DCLK2: variants seen among roughly 807,000 people sequenced by gnomAD.
DCLK2 encodes serine/threonine-protein kinase DCLK2.
In DCLK2, 31 loss-of-function variants were observed where a neutral mutation model predicts 78.4. That is an observed-to-expected ratio of 0.40 (90% CI 0.30 to 0.53). DCLK2 has a LOEUF of 0.53. DCLK2 is among the 20% of genes least tolerant of loss of function. DCLK2 has a pLI of 0.61. For synonymous variants in DCLK2, 407 were observed against 374.9 expected (o/e 1.09, Z -0.99); for missense variants, 872 against 973.7 (o/e 0.90, Z 1.39).
At chr4:150,252,971 C>T (rs1216330684) in intron 15 of DCLK2, among the ~76,000 whole-genome samples, 2 of 152,176 alleles carry the variant, frequency 1.3e-5, no homozygotes, top group East Asian at 1.9e-4. Context: ...TTGGGCTGTC[C>T]CAAAAAGTGG....
chr4:150,133,522 A>G (rs1733477226), intron 2 of DCLK2, among the ~76,000 whole-genome samples: 1 of 152,220 alleles, frequency 6.6e-6, no homozygotes, highest in Non-Finnish European at 1.5e-5. Flanking sequence ...AAGTAAGTTT[A>G]CTGTTTGGTT....
chr4:150,197,696 A>T (rs1375752631), intron 3 of DCLK2, among the ~76,000 whole-genome samples: 1 of 151,938 alleles, frequency 6.6e-6, no homozygotes, highest in Admixed American at 6.6e-5. Flanking sequence ...CGGAGGTTGC[A>T]GTGAGCAGAA....
chr4:150,200,771 A>G (rs979122497), intron 4 of DCLK2, among the ~76,000 whole-genome samples: 2 of 152,218 alleles, frequency 1.3e-5, no homozygotes, highest in African/African-American at 4.8e-5. Flanking sequence ...AAATCCTTCA[A>G]CAAAACTCTG....
intron 14 of DCLK2, 42 bp downstream of exon 14, chr4:150,248,427 T>C (rs762110151): frequency 6.5e-7 from 1 of 1,527,094 alleles, no homozygotes; most frequent in Non-Finnish European, 9.1e-7. Context: ...CACTGTGCTC[T>C]GTGGCCAACA....
intron 2 of DCLK2, among the ~76,000 whole-genome samples, chr4:150,163,084 T>C (rs1735820706): frequency 6.6e-6 from 1 of 152,058 alleles, no homozygotes; most frequent in African/African-American, 2.4e-5. Context: ...CCTAAGCAAA[T>C]GGAGTCCTAT....
At chr4:150,168,348 A>C (rs1365574543) in intron 2 of DCLK2, among the ~76,000 whole-genome samples, 1 of 146,974 alleles carries the variant, frequency 6.8e-6, no homozygotes, top group African/African-American at 2.5e-5. Context: ...CTCCATCTCA[A>C]AAAAAAAAAA....
intron 3 of DCLK2, among the ~76,000 whole-genome samples, chr4:150,193,573 G>A (rs992514398): frequency 6.6e-6 from 1 of 152,158 alleles, no homozygotes; most frequent in East Asian, 1.9e-4. Context: ...ATGGTGGTTG[G>A]CTGTGCCAAC....
intron 2 of DCLK2, among the ~76,000 whole-genome samples, chr4:150,164,740 A>C (rs999040089): frequency 3.9e-5 from 6 of 152,316 alleles, no homozygotes; most frequent in African/African-American, 1.4e-4. Flanking sequence ...TGGAGGTTGC[A>C]GTGAGCTGAG....
chr4:150,248,834 A>AG (rs1447580546), intron 14 of DCLK2, among the ~76,000 whole-genome samples: 2 of 152,034 alleles, frequency 1.3e-5, no homozygotes, highest in African/African-American at 4.8e-5. Context: ...ATCGCTTCAG[A>AG]GCTGAGTGGA....
At chr4:150,201,868 C>T (rs1221484806) in intron 4 of DCLK2, among the ~76,000 whole-genome samples, 1 of 152,068 alleles carries the variant, frequency 6.6e-6, no homozygotes, top group South Asian at 2.1e-4. Context: ...AGTTTATTGC[C>T]GGTCATAATC....
intron 2 of DCLK2, among the ~76,000 whole-genome samples, chr4:150,173,693 A>G (rs1397177961): frequency 6.6e-6 from 1 of 152,218 alleles, no homozygotes; most frequent in African/African-American, 2.4e-5. Flanking sequence ...CCTCTCAGGC[A>G]GTATGAAAAT....
At chr4:150,091,565 A>G (rs764868212) in intron 1 of DCLK2, among the ~76,000 whole-genome samples, 15 of 152,188 alleles carry the variant, frequency 9.9e-5, no homozygotes, top group Non-Finnish European at 2.1e-4. Context: ...TCCAAATTTT[A>G]TACAACTCAA....
rs1324849444 is a variant in DCLK2, at chr4:150,253,428, GA to G, written c.2074-2584del. ...GGGCTAGAAATTGGTCCATAAAGGT[GA>G]AAAAAAAGTAAAGTTGATGGTGTTA... On this transcript the variant is annotated intron_variant, in intron 15 of 15. Transcript: ENST00000296550. The G allele has an allele frequency of 2.3e-6, 3 of 1,288,942 alleles. 1 individual carries two copies. Among genetic ancestry groups the G allele is most frequent in the South Asian group, 2.5e-5 (2 of 81,010 alleles). 79.8% of individuals were successfully genotyped at this position (1,288,942 alleles called of 1,614,324 possible).
chr4:150,239,465 G>A (rs1246142181), intron 10 of DCLK2, among the ~76,000 whole-genome samples: 1 of 152,068 alleles, frequency 6.6e-6, no homozygotes, highest in Non-Finnish European at 1.5e-5. Flanking sequence ...TAGTGTGGTG[G>A]CATGTACCTG....
intron 15 of DCLK2, among the ~76,000 whole-genome samples, chr4:150,254,835 T>A (rs4235252): frequency 0.91 from 138,313 of 152,196 alleles, 63,149 homozygotes; most frequent in Middle Eastern, 0.96. Context: ...GCACGCCACC[T>A]TGCCCGGCTA....
rs150331044 is a variant in DCLK2 at position 150,239,272 on chromosome 4, T to C, written c.1567-470T>C. 5.3e-5 allele frequency among the ~76,000 whole-genome samples: 8 copies of C among 152,238 alleles called. No homozygotes were observed. In the East Asian group the frequency reaches 1.5e-3, roughly 29 times the overall value. On this transcript the variant is annotated intron_variant, in intron 10 of 15. Transcript: ENST00000296550. ...CTCTGAAGAGAAAAAAATTAGCACT[T>C]TAAAGCAACAAAGATGAATCATGGT... is the stretch of plus-strand genomic sequence containing the variant.
At chr4:150,216,784 G>A (rs1391313621) in intron 5 of DCLK2, among the ~76,000 whole-genome samples, 1 of 152,096 alleles carries the variant, frequency 6.6e-6, no homozygotes, top group African/African-American at 2.4e-5. Context: ...ACATCTTCAC[G>A]GTTCTCTTCT....
At chr4:150,092,443 A>G (rs890107491) in intron 1 of DCLK2, among the ~76,000 whole-genome samples, 1 of 152,190 alleles carries the variant, frequency 6.6e-6, no homozygotes, top group Non-Finnish European at 1.5e-5. Flanking sequence ...CTAGAGTTCC[A>G]GTATCTCTAC....
intron 1 of DCLK2, 71 bp from the exon 2 acceptor site, chr4:150,102,407 A>G: frequency 1.4e-6 from 2 of 1,473,980 alleles, no homozygotes; most frequent in South Asian, 1.3e-5. Context: ...GGTTTCCAGC[A>G]TCTGTTCTTT....
Sources: allele counts gnomAD v4.1 joint callset (sites outside exome capture counted in the v4.1 genomes callset), GRCh38; gene constraint gnomAD v4.1.1; transcripts MANE v1.5; gene names NCBI Gene and HGNC (gene_info 2026-07-23, HGNC 2026-07-21).